LIPM: variants seen among roughly 807,000 people sequenced by gnomAD.
LIPM encodes the protein lipase member M.
Under a neutral mutation model 42.4 loss-of-function variants are expected in LIPM, and 42 were observed. The ratio of observed to expected loss-of-function variants is 0.99; its 90% CI spans 0.77 to 1.28. LIPM has a LOEUF of 1.28. LIPM is among the 50% of genes most tolerant of loss of function. The pLI is 0.00. For missense variants in LIPM, 524 were observed against 520.1 expected (o/e 1.01, Z -0.07); for synonymous variants, 177 against 173.3 (o/e 1.02, Z -0.17).
intron 6 of LIPM, among the ~76,000 whole-genome samples, chr10:88,815,984 T>A (rs1183262028): frequency 6.6e-6 from 1 of 152,200 alleles, no homozygotes; most frequent in Admixed American, 6.5e-5. Context: ...ATTTGGGTCC[T>A]GCTCTAGGGA....
At position 88,815,205 on chromosome 10, in the gene LIPM, T is replaced by A; in HGVS notation, c.692T>A (p.Leu231Gln). The A allele has an allele frequency of 6.4e-7, 1 of 1,552,006 alleles. No homozygotes were observed. Among genetic ancestry groups the A allele is most frequent in the Non-Finnish European group, 8.7e-7 (1 of 1,147,040 alleles). Residue 231 changes from leucine (L) to glutamine (Q), a missense_variant, in exon 5 of 9, where the codon CTG (leucine) becomes CAG (glutamine). By Grantham distance (113) the Leu-to-Gln change is moderately radical. Coordinates refer to ENST00000404743, the MANE Select transcript of LIPM (RefSeq NM_001128215.1). ...AKSPGTKFLL[L>Q]PDMMIKGLFG... ...AGCCCCGGGACCAAATTTTTGTTGC[T>A]GCCAGATATGATGATCAAGGTATGA...
At position 88,815,486 on chromosome 10, in the gene LIPM, A is replaced by T; in HGVS notation, c.841A>T (p.Thr281Ser). 2 of 1,551,456 alleles carry T rather than the reference A, an allele frequency of 1.3e-6. No homozygotes were observed. The highest frequency in any genetic ancestry group is 1.7e-6 in the Non-Finnish European group (2 of 1,146,872). Residue 281 changes from threonine (T) to serine (S), a missense_variant, in exon 6 of 9, where the codon ACC (threonine) becomes TCC (serine). Thr to Ser is a moderately conservative substitution (Grantham distance 58). Coordinates refer to ENST00000404743, the MANE Select transcript of LIPM (RefSeq NM_001128215.1). ...NIMLLLGGFN[T>S]NNMNMSRASV... ...CATGTTACTTCTGGGTGGATTCAACACCAACAATATGAACATGGTAAGTGG... is the reference window on the plus strand; with the variant it reads ...CATGTTACTTCTGGGTGGATTCAACTCCAACAATATGAACATGGTAAGTGG...
At chr10:88,820,093 T>C (rs949616246) in intron 8 of LIPM, 139 bp from the exon 9 acceptor site, 1 of 657,652 alleles carries the variant, frequency 1.5e-6, no homozygotes, top group African/African-American at 1.8e-5. Context: ...CAGAAATTCT[T>C]AACAGAGTTG....
chr10:88,808,407 A>G lies in LIPM; in HGVS notation c.257A>G (p.Lys86Arg), dbSNP rs184172991. 85 of 1,544,882 alleles carry G rather than the reference A, an allele frequency of 5.5e-5. 1 individual carries two copies. The Admixed American group carries it at 1.5e-3, about 27-fold the overall frequency. Residue 86 changes from lysine (K) to arginine (R), a missense_variant, in exon 2 of 9, where the codon AAG (lysine) becomes AGG (arginine). By Grantham distance (26) the Lys-to-Arg change is conservative (BLOSUM62 2). Transcript: ENST00000404743. ...ATTCCTCGAGGCCTAGTGCAACCTA[A>G]GAAGACAGGTGTGGGTCACCCCATG... ...NRIPRGLVQPKKTGSRPVVLL... is the reference protein window; with the variant it reads ...NRIPRGLVQPRKTGSRPVVLL...
In LIPM at chr10:88,815,385, A is replaced by G. The variant is rs1275044629; in HGVS notation, c.740A>G (p.Tyr247Cys). 3 of 1,551,518 alleles carry G rather than the reference A, an allele frequency of 1.9e-6. No individual in the cohort carries two copies. The highest frequency in any genetic ancestry group is 2.6e-6 in the Non-Finnish European group (3 of 1,146,944). Reference sequence around the variant, plus strand: ...TTGTTTGGCAAAAAAGAATTTCTGTATCAGACCAGATTTCTCAGACAACTT... The same window carrying G: ...TTGTTTGGCAAAAAAGAATTTCTGTGTCAGACCAGATTTCTCAGACAACTT... ...KGLFGKKEFLYQTRFLRQLVI... is the reference protein window; with the variant it reads ...KGLFGKKEFLCQTRFLRQLVI... The change falls in exon 6 of 9, where the codon TAT (tyrosine) becomes TGT (cysteine). Residue 247 changes from tyrosine (Y) to cysteine (C), a missense_variant. Tyr to Cys is a radical substitution (Grantham distance 194). Transcript: ENST00000404743.
chr10:88,803,052 G>A lies in LIPM; in HGVS notation c.147+9G>A, dbSNP rs990603756. 1.3e-6 allele frequency: 2 copies of A among 1,548,906 alleles called. No homozygotes were observed. The highest frequency in any genetic ancestry group is 1.7e-6 in the Non-Finnish European group (2 of 1,145,980). On this transcript the variant is annotated intron_variant, in intron 1 of 8. Coordinates refer to ENST00000404743, the MANE Select transcript of LIPM (RefSeq NM_001128215.1). ...AAGCATTCATGAATATTGTAAGTTG[G>A]GATTTCTGGGAAATGAGGTACTTAA...
intron 1 of LIPM, among the ~76,000 whole-genome samples, chr10:88,804,690 A>G (rs760625214): frequency 1.3e-5 from 2 of 152,222 alleles, no homozygotes; most frequent in Non-Finnish European, 2.9e-5. Flanking sequence ...TGTCATAGCA[A>G]TGACCCACGA....
chr10:88,820,473 C>T lies in LIPM; in HGVS notation c.1244C>T (p.Ser415Phe), dbSNP rs1340060332. Residue 415 changes from serine to phenylalanine, a missense_variant, in exon 9 of 9, where the codon TCC becomes TTC. By Grantham distance (155) the Ser-to-Phe change is radical. Coordinates refer to ENST00000404743, the MANE Select transcript of LIPM (RefSeq NM_001128215.1). ...HLMQQEETNL[S>F]QGRCEAVL ...ATGCAGCAGGAGGAGACCAACCTTT[C>T]CCAGGGACGGTGTGAGGCCGTATTG... 5.2e-6 allele frequency: 8 copies of T among 1,551,386 alleles called. No homozygotes were observed. Among genetic ancestry groups the T allele is most frequent in the Non-Finnish European group, 6.1e-6 (7 of 1,146,990 alleles).
At chr10:88,811,497 A>G (rs77488375) in intron 2 of LIPM, among the ~76,000 whole-genome samples, 8,555 of 152,296 alleles carry the variant, frequency 0.056, 327 homozygotes, top group South Asian at 0.083. Context: ...GCAGCACCTT[A>G]TTAATCTTTC....
rs1478624014 is a variant in LIPM at position 88,815,227 on chromosome 10, ATG to A, written c.711+4_711+5del. The A allele has an allele frequency of 1.3e-6, 2 of 1,550,404 alleles. No individual in the cohort carries two copies. Among genetic ancestry groups the A allele is most frequent in the African/African-American group, 2.7e-5 (2 of 72,922 alleles). ...TGCTGCCAGATATGATGATCAAGGT[ATG>A]AGACTCCTCAGAAAACTTCCTGTGT... On this transcript the variant is annotated splice_donor_5th_base_variant and intron_variant, in intron 5 of 8. Coordinates refer to ENST00000404743, the MANE Select transcript of LIPM (RefSeq NM_001128215.1).
intron 1 of LIPM, among the ~76,000 whole-genome samples, chr10:88,804,756 T>C (rs1041259228): frequency 5.9e-5 from 9 of 152,110 alleles, no homozygotes; most frequent in African/African-American, 2.2e-4. Flanking sequence ...TTTCTGGAGA[T>C]TTCTGAATAA....
chr10:88,809,551 C>T (rs1011581966), intron 2 of LIPM, among the ~76,000 whole-genome samples: 1 of 152,062 alleles, frequency 6.6e-6, no homozygotes, highest in African/African-American at 2.4e-5. Context: ...TCACAATTAC[C>T]CTAAGAAACT....
intron 1 of LIPM, among the ~76,000 whole-genome samples, chr10:88,805,318 A>C (rs1843573045): frequency 6.6e-6 from 1 of 152,266 alleles, no homozygotes; most frequent in African/African-American, 2.4e-5. Context: ...AAAGCCTGAA[A>C]TCTGAAAGAT....
Position 88,813,182 on chromosome 10 carries a change from C to A in LIPM, c.351C>A (p.Gly117=). 9 of 1,613,662 alleles carry A rather than the reference C, an allele frequency of 5.6e-6. No individual in the cohort carries two copies. The highest frequency in any genetic ancestry group is 7.6e-6 in the Non-Finnish European group (9 of 1,179,790). ...WISNLPNNSL[G]FILADAGFDV... The stretch of plus-strand genomic sequence containing the variant: ...CCAACCTGCCCAACAATAGCCTGGG[C>A]TTCATTCTGGCAGATGCTGGTTTTG... Residue 117 remains glycine, a synonymous_variant, in exon 3 of 9, where the codon GGC becomes GGA. Coordinates refer to ENST00000404743, the MANE Select transcript of LIPM (RefSeq NM_001128215.1).
chr10:88,815,037 T>A (rs1461149982), intron 4 of LIPM, 51 bp from the exon 5 acceptor site: 7 of 1,477,926 alleles, frequency 4.7e-6, no homozygotes. Flanking sequence ...ATACATTTTA[T>A]GAGTTCTAAA....
chr10:88,811,056 G>A (rs999466522), intron 2 of LIPM, among the ~76,000 whole-genome samples: 2 of 152,192 alleles, frequency 1.3e-5, no homozygotes, highest in Admixed American at 6.5e-5. Flanking sequence ...TCTCCCTTGA[G>A]AGACAAAATG....
chr10:88,805,456 T>A (rs1218901350), intron 1 of LIPM, among the ~76,000 whole-genome samples: 1 of 152,204 alleles, frequency 6.6e-6, no homozygotes, highest in African/African-American at 2.4e-5. Flanking sequence ...AAACATTGAC[T>A]TTTTTATACT....
At chr10:88,812,289 G>C (rs577605844) in intron 2 of LIPM, among the ~76,000 whole-genome samples, 1 of 152,266 alleles carries the variant, frequency 6.6e-6, no homozygotes, top group Non-Finnish European at 1.5e-5. Context: ...CTTCATTAAG[G>C]TGGTATCTGC....
At chr10:88,807,147 T>A (rs1843598859) in intron 1 of LIPM, among the ~76,000 whole-genome samples, 1 of 152,238 alleles carries the variant, frequency 6.6e-6, no homozygotes, top group Non-Finnish European at 1.5e-5. Flanking sequence ...CAGTTAGTGT[T>A]ATATGTGCAT....
Sources: gnomAD v4.1 joint callset for allele counts (sites outside exome capture counted in the v4.1 genomes callset) on GRCh38, gnomAD v4.1.1 for gene constraint, MANE v1.5 for transcripts, NCBI Gene and HGNC (gene_info 2026-07-23, HGNC 2026-07-21) for gene names.